The following GAB4 variants were observed in gnomAD, a reference collection of about 807,000 sequenced individuals.
The protein encoded by GAB4 is GRB2-associated-binding protein 4.
In GAB4, 26 loss-of-function variants were observed where a neutral mutation model predicts 51.3. The observed-to-expected ratio is 0.51, with a 90% CI of 0.37 to 0.70. GAB4 has a LOEUF of 0.70. Among genes scored for constraint, GAB4 ranks in the 30% least tolerant of loss-of-function variants. The pLI, the probability that GAB4 is intolerant of heterozygous loss-of-function variation, is 0.00. For missense variants in GAB4, 759 were observed against 734.6 expected (o/e 1.03, Z -0.38); for synonymous variants, 329 against 291.2 (o/e 1.13, Z -1.32).
intron 5 of GAB4, among the ~76,000 whole-genome samples, 176 bp downstream of exon 5, chr22:16,968,122 A>G (rs895933623): frequency 6.6e-6 from 1 of 152,214 alleles, no homozygotes; most frequent in Non-Finnish European, 1.5e-5. Context: ...AGACCTGGAT[A>G]CCAGTATCTC....
At chr22:16,988,872 G>A (rs986139719) in intron 2 of GAB4, among the ~76,000 whole-genome samples, 13 of 152,148 alleles carry the variant, frequency 8.5e-5, no homozygotes, top group Admixed American at 8.5e-4. Flanking sequence ...CTTTGCTTTG[G>A]CTTATGCTGT....
At position 16,966,298 on chromosome 22, in the gene GAB4, G is replaced by C; in HGVS notation, c.1090C>G (p.Pro364Ala). Residue 364 changes from proline to alanine, a missense_variant, in exon 6 of 10, where the codon CCA (proline) becomes GCA (alanine). Around this residue, in one of 3 missense-constraint regions of GAB4, gnomAD observed 588 missense variants for 510.2 expected, o/e 1.15. Coordinates refer to ENST00000400588, the MANE Select transcript of GAB4 (RefSeq NM_001037814.1). Reference protein sequence around the residue: ...ASEGSCVPMNPGSPTLPAVKQ... With the variant: ...ASEGSCVPMNAGSPTLPAVKQ... ...ACAGCCGGCAGGGTAGGGGAGCCTG[G>C]GTTCATGGGCACACAGCTGCCCTCA... The C allele has an allele frequency of 6.2e-7, 1 of 1,613,836 alleles. No individual in the cohort carries two copies. Among genetic ancestry groups the C allele is most frequent in the Non-Finnish European group, 8.5e-7 (1 of 1,180,004 alleles).
At chr22:16,963,680 C>A in intron 9 of GAB4, 45 bp downstream of exon 9, 2 of 1,432,036 alleles carry the variant, frequency 1.4e-6, no homozygotes, top group East Asian at 2.3e-5. Context: ...AGTCTCTCCC[C>A]CAGGGCCCAA....
chr22:16,974,678 A>C (rs1378822867), intron 3 of GAB4, among the ~76,000 whole-genome samples: 4 of 152,210 alleles, frequency 2.6e-5, no homozygotes, highest in Non-Finnish European at 5.9e-5. Context: ...CACTGCATTT[A>C]AATAAATAAA....
chr22:16,966,446 A>T, intron 5 of GAB4, 82 bp from the exon 6 acceptor site: 1 of 1,422,616 alleles, frequency 7.0e-7, no homozygotes, highest in East Asian at 2.4e-5. Flanking sequence ...AAGGCCAAAA[A>T]GAGTCATGAC....
intron 5 of GAB4, 50 bp from the exon 6 acceptor site, chr22:16,966,414 A>G: frequency 6.4e-7 from 1 of 1,564,214 alleles, no homozygotes. Flanking sequence ...CAAGAACAAG[A>G]TAGGAATGAG....
intron 3 of GAB4, among the ~76,000 whole-genome samples, chr22:16,983,407 T>C (rs2060842516): frequency 6.6e-6 from 1 of 152,158 alleles, no homozygotes; most frequent in African/African-American, 2.4e-5. Context: ...AGTCAATGCC[T>C]ATCAAAATAC....
intron 3 of GAB4, among the ~76,000 whole-genome samples, chr22:16,980,203 T>C (rs2060815751): frequency 6.6e-6 from 1 of 152,164 alleles, no homozygotes; most frequent in Admixed American, 6.5e-5. Flanking sequence ...CAAAAGAAAC[T>C]ATCATCAGAG....
chr22:16,975,970 G>A (rs541744181), intron 3 of GAB4, among the ~76,000 whole-genome samples: 3 of 151,610 alleles, frequency 2.0e-5, no homozygotes, highest in African/African-American at 4.9e-5. Context: ...CAAACAGAAA[G>A]GAATAGCATC....
At position 16,964,757 on chromosome 22, in the gene GAB4, AG is replaced by A; in HGVS notation, c.1476+8del. The A allele has an allele frequency of 6.3e-7, 1 of 1,591,052 alleles. No homozygotes were observed. The highest frequency in any genetic ancestry group is 8.6e-7 in the Non-Finnish European group (1 of 1,159,272). On this transcript the variant is annotated splice_region_variant and intron_variant, in intron 8 of 9. Coordinates refer to ENST00000400588, the MANE Select transcript of GAB4 (RefSeq NM_001037814.1). ...GATAGGAGCCTTACAGTGACCCCCA[AG>A]GACTCACCGGGAAAAGATACCTCTC...
At position 17,008,136 on chromosome 22, in the gene GAB4, A is replaced by G. The variant is rs1224953632; in HGVS notation, c.-22T>C. 1 of 1,562,568 alleles carries G rather than the reference A, an allele frequency of 6.4e-7. No individual in the cohort carries two copies. Among genetic ancestry groups the G allele is most frequent in the African/African-American group, 1.4e-5 (1 of 73,996 alleles). ...ACATGGGGGCTGCAGCTCACAGTGAAGGTGGGGGAGACAGGGCGAGAGGGC... is the reference window on the plus strand; with the variant it reads ...ACATGGGGGCTGCAGCTCACAGTGAGGGTGGGGGAGACAGGGCGAGAGGGC... On this transcript the variant is annotated 5_prime_UTR_variant, in exon 1 of 10. Coordinates refer to ENST00000400588, the MANE Select transcript of GAB4 (RefSeq NM_001037814.1).
chr22:16,970,766 G>A (rs561956449), intron 3 of GAB4, among the ~76,000 whole-genome samples: 17 of 152,296 alleles, frequency 1.1e-4, no homozygotes, highest in African/African-American at 4.1e-4. Flanking sequence ...GAACTATTCA[G>A]ACATAAGCAA....
intron 1 of GAB4, among the ~76,000 whole-genome samples, chr22:16,998,532 A>G (rs2060969174): frequency 6.6e-6 from 1 of 152,186 alleles, no homozygotes; most frequent in Non-Finnish European, 1.5e-5. Context: ...TTATCAGCTT[A>G]AGGAGATTTT....
In GAB4 at chr22:16,970,073, G is replaced by A. The variant is rs1351911264; in HGVS notation, c.807C>T (p.Gly269=). 2 of 1,614,086 alleles carry A rather than the reference G, an allele frequency of 1.2e-6. No homozygotes were observed. The highest frequency in any genetic ancestry group is 1.7e-6 in the Non-Finnish European group (2 of 1,180,048). The change falls in exon 4 of 10, where the codon GGC becomes GGT. Residue 269 remains glycine (G), a synonymous_variant. Transcript: ENST00000400588. ...GGCTGGGCTTGGAAAGGCTATGGAA[G>A]CCATGGATGTGACCGCTGACCCCAT... ...SVDGVSGHIH[G]FHSLSKPSQH...
Position 16,991,854 on chromosome 22 carries a change from G to T in GAB4, c.478+19C>A, listed in dbSNP as rs1359008218. The T allele has an allele frequency of 6.3e-7, 1 of 1,590,818 alleles. No homozygotes were observed. The highest frequency in any genetic ancestry group is 2.2e-5 in the East Asian group (1 of 44,668). ...TCATCTCAGCCCCTCCTGAGACAGG[G>T]CTGTGTGTGCTCCCATACCTGTGCT... On this transcript the variant is annotated intron_variant, in intron 2 of 9. Coordinates refer to ENST00000400588, the MANE Select transcript of GAB4 (RefSeq NM_001037814.1).
intron 3 of GAB4, among the ~76,000 whole-genome samples, chr22:16,977,203 C>T (rs751746286): frequency 7.9e-5 from 12 of 151,976 alleles, no homozygotes; most frequent in African/African-American, 2.4e-4. Context: ...GGCTAAATGC[C>T]GCAATTAAAA....
intron 3 of GAB4, among the ~76,000 whole-genome samples, chr22:16,982,195 G>A (rs1372328939): frequency 1.3e-5 from 2 of 152,130 alleles, no homozygotes; most frequent in South Asian, 4.1e-4. Flanking sequence ...GCAATGAGAA[G>A]GGAGAAAGAA....
chr22:16,967,025 G>A (rs2060681679), intron 5 of GAB4: 1 of 152,276 alleles, frequency 6.6e-6, no homozygotes, highest in Non-Finnish European at 1.5e-5. Context: ...ACCTTGGAAA[G>A]ACTCTGAAAT....
At chr22:16,974,269 T>C (rs2060758257) in intron 3 of GAB4, among the ~76,000 whole-genome samples, 1 of 152,242 alleles carries the variant, frequency 6.6e-6, no homozygotes, top group Non-Finnish European at 1.5e-5. Context: ...GACTGCAGGC[T>C]GACAGAAGCT....
Sources: gnomAD v4.1 joint callset for allele counts (sites outside exome capture counted in the v4.1 genomes callset) on GRCh38, gnomAD v4.1.1 for gene constraint, gnomAD v4.1.1 regional missense constraint, MANE v1.5 for transcripts, NCBI Gene and HGNC (gene_info 2026-07-23, HGNC 2026-07-21) for gene names.